TAFA2: variants seen among roughly 807,000 people sequenced by gnomAD.
The protein encoded by TAFA2 is TAFA chemokine like family member 2.
A neutral mutation model predicts 18.8 loss-of-function variants in TAFA2; 7 were observed. The ratio of observed to expected loss-of-function variants is 0.37; its 90% CI spans 0.21 to 0.70. TAFA2 has a LOEUF of 0.70. TAFA2 is among the 30% of genes least tolerant of loss of function. TAFA2 has a pLI of 0.53. For synonymous variants in TAFA2, 60 were observed against 54.2 expected, an observed-to-expected ratio of 1.11 and a Z score of -0.47; for missense variants, 122 against 158.1, an observed-to-expected ratio of 0.77 and a Z score of 1.23.
chr12:61,992,900 T>C (rs1592535409), intron 1 of TAFA2, among the ~76,000 whole-genome samples: 1 of 152,212 alleles, frequency 6.6e-6, no homozygotes. Context: ...CTCTTTGTAT[T>C]GTACACAAAT....
chr12:61,845,736 A>T (rs1236736104), intron 2 of TAFA2, among the ~76,000 whole-genome samples: 1 of 152,158 alleles, frequency 6.6e-6, no homozygotes, highest in Non-Finnish European at 1.5e-5. Flanking sequence ...AATGTTCCCC[A>T]ATGTGTCTAG....
intron 3 of TAFA2, 57 bp from the exon 4 acceptor site, chr12:61,753,803 G>C (rs1435388759): frequency 6.5e-7 from 1 of 1,527,320 alleles, no homozygotes; most frequent in Non-Finnish European, 8.9e-7. Context: ...TATTTCTCTT[G>C]TTCACCTTTA....
chr12:61,974,192 A>G (rs1356531028), intron 1 of TAFA2, among the ~76,000 whole-genome samples: 1 of 151,780 alleles, frequency 6.6e-6, no homozygotes, highest in African/African-American at 2.4e-5. Flanking sequence ...ATATAATAAA[A>G]TATATTCCTG....
At chr12:62,031,563 C>CTA (rs1881459807) in intron 1 of TAFA2, among the ~76,000 whole-genome samples, 1 of 152,080 alleles carries the variant, frequency 6.6e-6, no homozygotes, top group Non-Finnish European at 1.5e-5. Context: ...AGAGCCCTGA[C>CTA]TAATACAGTA....
chr12:61,871,045 G>C (rs1254485732), intron 1 of TAFA2, among the ~76,000 whole-genome samples: 1 of 152,046 alleles, frequency 6.6e-6, no homozygotes, highest in Non-Finnish European at 1.5e-5. Context: ...ATTGCATAGT[G>C]GTTAACATGA....
intron 1 of TAFA2, among the ~76,000 whole-genome samples, chr12:61,965,406 C>T (rs1190014073): frequency 3.3e-5 from 5 of 151,830 alleles, no homozygotes; most frequent in Non-Finnish European, 7.4e-5. Context: ...TACCCAGCCA[C>T]GATATTTTGT....
At chr12:62,222,005 C>A (rs1044907950) in intron 1 of TAFA2, among the ~76,000 whole-genome samples, 2 of 151,970 alleles carry the variant, frequency 1.3e-5, no homozygotes, top group South Asian at 2.1e-4. Flanking sequence ...GATTTCTAAA[C>A]CATGTAAAGC....
At chr12:61,830,807 C>CA (rs1188404837) in intron 2 of TAFA2, among the ~76,000 whole-genome samples, 2 of 151,916 alleles carry the variant, frequency 1.3e-5, no homozygotes, top group Non-Finnish European at 2.9e-5. Flanking sequence ...GATTCATTCC[C>CA]ATACCTCAGA....
At chr12:61,815,057 G>T (rs1331601736) in intron 2 of TAFA2, among the ~76,000 whole-genome samples, 3 of 151,498 alleles carry the variant, frequency 2.0e-5, no homozygotes, top group African/African-American at 7.4e-5. Context: ...TGTTACAGCA[G>T]CAATAGAAAA....
At chr12:61,783,453 A>G (rs1425912188) in intron 2 of TAFA2, among the ~76,000 whole-genome samples, 2 of 151,694 alleles carry the variant, frequency 1.3e-5, no homozygotes, top group South Asian at 2.1e-4. Context: ...ATCAAACTCT[A>G]TTGTACGAAT....
intron 4 of TAFA2, among the ~76,000 whole-genome samples, chr12:61,750,275 C>T (rs1405721697): frequency 2.0e-5 from 3 of 152,004 alleles, no homozygotes; most frequent in Non-Finnish European, 4.4e-5. Context: ...CTTAGGAGAT[C>T]TTAAAAGTAA....
intron 1 of TAFA2, among the ~76,000 whole-genome samples, chr12:61,990,337 A>ATTTTT (rs71083969): frequency 0.12 from 13,325 of 107,876 alleles, 1,220 homozygotes; most frequent in East Asian, 0.24. Flanking sequence ...CACTGTGCCA[A>ATTTTT]TTTTTTTTTT....
intron 1 of TAFA2, among the ~76,000 whole-genome samples, chr12:62,079,903 T>C (rs926905247): frequency 9.2e-5 from 14 of 152,292 alleles, no homozygotes; most frequent in Admixed American, 5.9e-4. Context: ...ACTTGACAGC[T>C]TAAAACAATA....
At chr12:61,745,109 T>C (rs558410019) in intron 4 of TAFA2, among the ~76,000 whole-genome samples, 2 of 152,066 alleles carry the variant, frequency 1.3e-5, no homozygotes, top group African/African-American at 4.8e-5. Flanking sequence ...TAGAAAAAAG[T>C]CTACCTACTC....
At chr12:61,901,883 G>A (rs182311396) in intron 1 of TAFA2, among the ~76,000 whole-genome samples, 13 of 152,126 alleles carry the variant, frequency 8.5e-5, no homozygotes, top group African/African-American at 2.9e-4. Flanking sequence ...AATGGGTTCT[G>A]TTTCTTTGAA....
At chr12:61,758,004 C>T (rs1869357321) in intron 2 of TAFA2, among the ~76,000 whole-genome samples, 1 of 151,940 alleles carries the variant, frequency 6.6e-6, no homozygotes, top group African/African-American at 2.4e-5. Flanking sequence ...ATTAATAGCA[C>T]AATCTTCATA....
rs144358538 is a variant in TAFA2, at chr12:61,991,664, T to A, written c.-1-124238A>T. 2.0e-5 allele frequency among the ~76,000 whole-genome samples: 3 copies of A among 152,320 alleles called. No homozygotes were observed. The East Asian group carries it at 5.8e-4, about 29-fold the overall frequency. The stretch of plus-strand genomic sequence containing the variant: ...TTTTAAAAAAACTTTTTTGATCTTA[T>A]TTTCTATTTTGTTCACTTTTACAGC... On this transcript the variant is annotated intron_variant, in intron 1 of 4. Coordinates refer to ENST00000416284, the MANE Select transcript of TAFA2 (RefSeq NM_178539.5).
chr12:61,887,879 A>G (rs934786055), intron 1 of TAFA2, among the ~76,000 whole-genome samples: 2 of 151,962 alleles, frequency 1.3e-5, no homozygotes, highest in African/African-American at 4.8e-5. Flanking sequence ...ATTGTGAATA[A>G]TACTGCAATA....
intron 1 of TAFA2, among the ~76,000 whole-genome samples, chr12:62,161,971 C>T (rs2062410062): frequency 6.6e-6 from 1 of 152,168 alleles, no homozygotes; most frequent in Non-Finnish European, 1.5e-5. Flanking sequence ...TACATCATTT[C>T]ACTTAAGTCA....
Sources: allele counts gnomAD v4.1 joint callset (sites outside exome capture counted in the v4.1 genomes callset), GRCh38; gene constraint gnomAD v4.1.1; transcripts MANE v1.5; gene names NCBI Gene and HGNC (gene_info 2026-07-23, HGNC 2026-07-21).